Variants in DMD observed in about 807,000 individuals in gnomAD.
DMD encodes the protein dystrophin.
A neutral mutation model predicts 330.1 loss-of-function variants in DMD; 63 were observed. That is an observed-to-expected ratio of 0.19 (90% CI 0.16 to 0.24). The LOEUF (loss-of-function observed/expected upper bound fraction) is 0.24, where lower values mean the gene tolerates loss of function less well. Among genes scored for constraint, DMD ranks in the 10% least tolerant of loss-of-function variants. The pLI is 1.00. For missense variants in DMD, 3,344 were observed against 2,684.1 expected, an observed-to-expected ratio of 1.25 and a Z score of -5.43; for synonymous variants, 1,223 against 959.8, an observed-to-expected ratio of 1.27 and a Z score of -5.07.
At chrX:32,608,510 T>C (rs999488759) in intron 12 of DMD, among the ~76,000 whole-genome samples, 1 of 110,503 alleles carries the variant, frequency 9.0e-6, no homozygotes, top group Non-Finnish European at 1.9e-5. Context: ...AAGTCAGAGA[T>C]TGAAGACACC....
chrX:32,634,570 G>A (rs933116415), intron 11 of DMD, among the ~76,000 whole-genome samples: 3 of 111,590 alleles, frequency 2.7e-5, no homozygotes, highest in African/African-American at 9.8e-5. Flanking sequence ...CTGCCAGGAC[G>A]GGGTCCTTCT....
intron 1 of DMD, among the ~76,000 whole-genome samples, chrX:33,070,646 T>TCC (rs2094732611): frequency 2.9e-5 from 1 of 34,722 alleles, no homozygotes; most frequent in Non-Finnish European, 4.9e-5. Context: ...TCCATCTCTC[T>TCC]CTCTCTCTCT....
intron 55 of DMD, among the ~76,000 whole-genome samples, chrX:31,614,690 G>A (rs1371384615): frequency 9.0e-6 from 1 of 111,624 alleles, no homozygotes; most frequent in African/African-American, 3.3e-5. Flanking sequence ...TACCTCTTCG[G>A]AGAATGGCTG....
intron 11 of DMD, among the ~76,000 whole-genome samples, chrX:32,618,133 A>G (rs959686863): frequency 8.0e-5 from 9 of 112,114 alleles, no homozygotes; most frequent in African/African-American, 2.6e-4. Flanking sequence ...TCAAAACAGA[A>G]CTACCATTGG....
intron 44 of DMD, among the ~76,000 whole-genome samples, chrX:32,073,843 C>T (rs149916502): frequency 0.11 from 12,175 of 110,577 alleles, 519 homozygotes; most frequent in South Asian, 0.19. Context: ...AGTATAAGAA[C>T]CCATTTCAAC....
intron 1 of DMD, among the ~76,000 whole-genome samples, chrX:33,285,473 C>G (rs962340955): frequency 8.9e-6 from 1 of 111,860 alleles, no homozygotes; most frequent in Non-Finnish European, 1.9e-5. Flanking sequence ...GATTTTGAAA[C>G]TTGGAGGATC....
At chrX:32,241,567 T>C (rs774489143) in intron 43 of DMD, among the ~76,000 whole-genome samples, 3 of 112,302 alleles carry the variant, frequency 2.7e-5, no homozygotes, top group African/African-American at 9.7e-5. Flanking sequence ...TAATCCCAAC[T>C]ATCCCGCAGC....
intron 60 of DMD, among the ~76,000 whole-genome samples, chrX:31,440,075 C>CA (rs1320749718): frequency 1.8e-5 from 2 of 108,199 alleles, no homozygotes; most frequent in African/African-American, 6.7e-5. Flanking sequence ...AGAATCATTT[C>CA]AAAAAAGAAG....
At chrX:31,421,441 G>A (rs778026987) in intron 60 of DMD, among the ~76,000 whole-genome samples, 82 of 109,942 alleles carry the variant, frequency 7.5e-4, no homozygotes, top group Non-Finnish European at 9.8e-4. Context: ...TAACTTAAAG[G>A]ATCATAAAAT....
At chrX:32,739,898 C>CCT (rs2069013033) in intron 7 of DMD, among the ~76,000 whole-genome samples, 1 of 110,105 alleles carries the variant, frequency 9.1e-6, no homozygotes. Context: ...TTTTAACAAA[C>CCT]CTCTAGGTTA....
chrX:31,442,943 A>G (rs894739470), intron 60 of DMD, among the ~76,000 whole-genome samples: 1 of 111,494 alleles, frequency 9.0e-6, no homozygotes, highest in Non-Finnish European at 1.9e-5. Context: ...AAATTATGTG[A>G]GATCTCAAGA....
intron 9 of DMD, among the ~76,000 whole-genome samples, chrX:32,691,983 A>G (rs1157124699): frequency 9.6e-6 from 1 of 103,885 alleles, no homozygotes; most frequent in African/African-American, 4.2e-5. Context: ...AGAGTGAAAT[A>G]GTAGTTGCTA....
chrX:32,954,061 G>GT (rs1290247837), intron 2 of DMD, among the ~76,000 whole-genome samples: 1 of 111,880 alleles, frequency 8.9e-6, no homozygotes, highest in Non-Finnish European at 1.9e-5. Flanking sequence ...TAACTGAACT[G>GT]TGCCAACATG....
intron 55 of DMD, among the ~76,000 whole-genome samples, chrX:31,578,509 G>C (rs1736963470): frequency 8.9e-6 from 1 of 112,018 alleles, no homozygotes; most frequent in African/African-American, 3.2e-5. Context: ...GGTGGCCAGG[G>C]GAGAAAGAGA....
intron 49 of DMD, among the ~76,000 whole-genome samples, chrX:31,825,275 A>C (rs2149445766): frequency 8.9e-6 from 1 of 112,083 alleles, no homozygotes; most frequent in African/African-American, 3.2e-5. Context: ...GAAATGTGGT[A>C]ATCTTAGTCA....
At chrX:32,412,099 A>C in intron 29 of DMD, 186 bp from the exon 30 acceptor site, 2 of 1,167,110 alleles carry the variant, frequency 1.7e-6, no homozygotes, top group African/African-American at 1.8e-5. Context: ...GAGAAAAATA[A>C]ATAGCAAACA....
intron 53 of DMD, among the ~76,000 whole-genome samples, chrX:31,678,239 G>A (rs986532427): frequency 9.0e-6 from 1 of 111,609 alleles, no homozygotes; most frequent in Non-Finnish European, 1.9e-5. Flanking sequence ...AAAATGATAC[G>A]GTTTCCTTCT....
chrX:32,773,961 C>G (rs1363445150), intron 7 of DMD, among the ~76,000 whole-genome samples: 2 of 111,039 alleles, frequency 1.8e-5, no homozygotes, highest in African/African-American at 6.6e-5. Context: ...ATATCTGGCC[C>G]ATCCTGGAAC....
At chrX:32,446,105 C>G (rs2098302975) in intron 27 of DMD, among the ~76,000 whole-genome samples, 1 of 110,480 alleles carries the variant, frequency 9.1e-6, no homozygotes, top group African/African-American at 3.3e-5. Flanking sequence ...AAAGTTTTCC[C>G]TTAGGAAGGA....
Sources: allele counts gnomAD v4.1 joint callset (sites outside exome capture counted in the v4.1 genomes callset), GRCh38; gene constraint gnomAD v4.1.1; transcripts MANE v1.5; gene names NCBI Gene and HGNC (gene_info 2026-07-23, HGNC 2026-07-21).